Variants in PXK observed in about 807,000 individuals in gnomAD.
PXK encodes the protein PX domain-containing protein kinase-like protein.
In PXK, 35 loss-of-function variants were observed where a neutral mutation model predicts 84.7. That is an observed-to-expected ratio of 0.41 (90% CI 0.32 to 0.55). The LOEUF (loss-of-function observed/expected upper bound fraction) is 0.55. Among genes scored for constraint, PXK ranks in the 20% least tolerant of loss-of-function variants. PXK has a pLI of 0.21. For synonymous variants in PXK, 253 were observed against 260.8 expected (o/e 0.97, Z 0.29); for missense variants, 634 against 699.7 (o/e 0.91, Z 1.06).
At chr3:58,337,862 T>A (rs1013774625) in intron 1 of PXK, among the ~76,000 whole-genome samples, 1 of 152,218 alleles carries the variant, frequency 6.6e-6, no homozygotes, top group Admixed American at 6.5e-5. Flanking sequence ...ACCCTTTTTA[T>A]AGACTTTTAA....
chr3:58,424,754 A>G lies in PXK; in HGVS notation c.1531A>G (p.Ile511Val), dbSNP rs1313844979. The G allele has an allele frequency of 6.2e-7, 1 of 1,613,256 alleles. No individual in the cohort carries two copies. Among genetic ancestry groups the G allele is most frequent in the Admixed American group, 1.7e-5 (1 of 59,956 alleles). ...SSPTPPSTSG[I>V]SALPPPPPPP... ...ATTGTCCCCCTTTTCCTCCACAGGG[A>G]TATCTGCATTACCTCCACCTCCTCC... is the stretch of plus-strand genomic sequence containing the variant. Residue 511 changes from isoleucine to valine, a missense_variant and splice_region_variant, in exon 18 of 18, where the codon ATA (isoleucine) becomes GTA (valine). By Grantham distance (29) the Ile-to-Val change is conservative. Coordinates refer to ENST00000356151, the MANE Select transcript of PXK (RefSeq NM_017771.5).
chr3:58,395,759 GGTAAGAGGTACTTTT>G lies in PXK; in HGVS notation c.822+3_822+17del, dbSNP rs772589964. The G allele has an allele frequency of 4.4e-6, 7 of 1,599,942 alleles. No individual in the cohort carries two copies. The South Asian group carries it at 5.6e-5, about 13-fold the overall frequency. On this transcript the variant is annotated splice_donor_variant and splice_donor_5th_base_variant and intron_variant, in intron 9 of 17. Coordinates refer to ENST00000356151, the MANE Select transcript of PXK (RefSeq NM_017771.5). LOFTEE classifies it high-confidence loss of function. Reference sequence around the variant, plus strand: ...AAACATATGGACGGCAAATATTAGAGGTAAGAGGTACTTTTGTTTAAGTTGCATTCAGATTTCATC... The same window carrying G: ...AAACATATGGACGGCAAATATTAGAGGTTTAAGTTGCATTCAGATTTCATC...
intron 1 of PXK, among the ~76,000 whole-genome samples, chr3:58,347,541 ATTC>A (rs1342692675): frequency 6.6e-6 from 1 of 152,184 alleles, no homozygotes; most frequent in African/African-American, 2.4e-5. Context: ...AAGCTTTGAA[ATTC>A]TTCTATGATG....
intron 1 of PXK, among the ~76,000 whole-genome samples, chr3:58,357,723 C>T (rs1185223054): frequency 5.3e-5 from 8 of 152,142 alleles, no homozygotes; most frequent in South Asian, 2.1e-4. Context: ...CCAAGGTGGG[C>T]GGATCACTTT....
intron 3 of PXK, among the ~76,000 whole-genome samples, chr3:58,373,154 T>G (rs1486424014): frequency 2.0e-5 from 3 of 150,464 alleles, no homozygotes; most frequent in Admixed American, 1.3e-4. Flanking sequence ...CTCTGCTCAC[T>G]GCAAGCTCCA....
intron 17 of PXK, among the ~76,000 whole-genome samples, chr3:58,424,400 C>A (rs2062493308): frequency 6.6e-6 from 1 of 152,218 alleles, no homozygotes; most frequent in African/African-American, 2.4e-5. Context: ...TGGGACCTGG[C>A]TAAAGTAACT....
chr3:58,375,490 C>T (rs933268165), intron 3 of PXK, among the ~76,000 whole-genome samples: 5 of 152,086 alleles, frequency 3.3e-5, no homozygotes, highest in Admixed American at 1.3e-4. Flanking sequence ...AACCATATCC[C>T]GGGCTAAGAC....
Position 58,422,000 on chromosome 3 carries a change from A to G in PXK, c.1529-2752A>G. The G allele has an allele frequency of 2.0e-6, 2 of 985,362 alleles. No individual in the cohort carries two copies. The highest frequency in any genetic ancestry group is 1.7e-5 in the African/African-American group (1 of 57,328). The allele number at this position is 985,362 out of a possible 1,614,324, so 61.0% of individuals were successfully genotyped here. On this transcript the variant is annotated intron_variant, in intron 17 of 17. Coordinates refer to ENST00000356151, the MANE Select transcript of PXK (RefSeq NM_017771.5). The surrounding 1 kb of genome is among the most constrained non-coding windows in gnomAD (Gnocchi z 5.5). ...GGCCTCATTCACATCTGAGGGGTGGAGAGCGCGCAGGCAGCAGGCAGTTGT... is the reference window on the plus strand; with the variant it reads ...GGCCTCATTCACATCTGAGGGGTGGGGAGCGCGCAGGCAGCAGGCAGTTGT...
At chr3:58,395,473 G>C (rs1439715094) in intron 8 of PXK, among the ~76,000 whole-genome samples, 185 bp from the exon 9 acceptor site, 1 of 152,178 alleles carries the variant, frequency 6.6e-6, no homozygotes, top group Non-Finnish European at 1.5e-5. Flanking sequence ...GCTAGAGAAG[G>C]GATGGAACCT....
intron 1 of PXK, 141 bp from the exon 2 acceptor site, chr3:58,365,733 G>A: frequency 1.7e-6 from 1 of 584,152 alleles, no homozygotes; most frequent in Non-Finnish European, 2.9e-6. Flanking sequence ...TTTATGTAAT[G>A]TCCCTTTCTC....
In PXK at chr3:58,395,669, A is replaced by C. The variant is rs1050767047; in HGVS notation, c.732A>C (p.Lys244Asn). Residue 244 changes from lysine to asparagine, a missense_variant, in exon 9 of 18, where the codon AAA becomes AAC. Transcript: ENST00000356151. Reference sequence around the variant, plus strand: ...GTTCTTTTCCAAAGGCAAAACCAAAAGACCCATTTCTAAAGAAGTACTGCA... The same window carrying C: ...GTTCTTTTCCAAAGGCAAAACCAAACGACCCATTTCTAAAGAAGTACTGCA... ...LKDLIYKAKPKDPFLKKYCNP... is the reference protein window; with the variant it reads ...LKDLIYKAKPNDPFLKKYCNP... 2 of 1,612,492 alleles carry C rather than the reference A, an allele frequency of 1.2e-6. No homozygotes were observed. The highest frequency in any genetic ancestry group is 2.7e-5 in the African/African-American group (2 of 74,840).
In PXK at chr3:58,425,372, T is replaced by TC. The variant is rs1180853653; in HGVS notation, c.*413dup. The TC allele has an allele frequency of 6.0e-6, 1 of 166,962 alleles. No homozygotes were observed. The highest frequency in any genetic ancestry group is 1.3e-5 in the Non-Finnish European group (1 of 76,832). 10.3% of individuals were successfully genotyped at this position (166,962 alleles called of 1,614,324 possible). A position where few individuals can be genotyped will look rare whatever the true frequency, so the allele number is the denominator to read the frequency against. On this transcript the variant is annotated 3_prime_UTR_variant, in exon 18 of 18. Transcript: ENST00000356151. Reference sequence around the variant, plus strand: ...CTCCTAGAAACATTCCTCTTACAGTTCATTTCTCTAAAGCATTTTCTGATT... The same window carrying TC: ...CTCCTAGAAACATTCCTCTTACAGTTCCATTTCTCTAAAGCATTTTCTGATT...
intron 17 of PXK, among the ~76,000 whole-genome samples, chr3:58,417,262 C>T (rs767665610): frequency 2.0e-5 from 3 of 152,196 alleles, no homozygotes; most frequent in African/African-American, 4.8e-5. Flanking sequence ...GAACTCTGGC[C>T]TTTGGCAGTT....
At chr3:58,377,569 A>G (rs893435961) in intron 3 of PXK, among the ~76,000 whole-genome samples, 31 of 151,940 alleles carry the variant, frequency 2.0e-4, no homozygotes, top group African/African-American at 7.5e-4. Flanking sequence ...ACTTGCAACC[A>G]GGAGTTCAAG....
rs939455387 is a variant in PXK, at chr3:58,379,796, C to T, written c.202-2718C>T. Among the ~76,000 whole-genome samples, 11 of 151,816 alleles carry T rather than the reference C, an allele frequency of 7.2e-5. No homozygotes were observed. Among genetic ancestry groups the T allele is most frequent in the African/African-American group, 1.2e-4 (5 of 41,354 alleles). On this transcript the variant is annotated intron_variant, in intron 3 of 17. Transcript: ENST00000356151. This position sits in a 1 kb window ranked among gnomAD's most constrained non-coding sequence, Gnocchi z 5.1. Reference sequence around the variant, plus strand: ...AAATACTCTTTAAAAAAAAGAAAAGCGAAATACAAAAATTAGTCGGGCATG... The same window carrying T: ...AAATACTCTTTAAAAAAAAGAAAAGTGAAATACAAAAATTAGTCGGGCATG...
chr3:58,421,613 A>C lies in PXK; in HGVS notation c.1529-3139A>C, dbSNP rs954465441. ...AGGAACTGGAGGGAGGGACCCTCAG[A>C]CATCCTGTCCACAAGGCTGTCAAGG... On this transcript the variant is annotated intron_variant, in intron 17 of 17. Transcript: ENST00000356151. This position sits in a 1 kb window ranked among gnomAD's most constrained non-coding sequence, Gnocchi z 5.5. 5 of 988,172 alleles carry C rather than the reference A, an allele frequency of 5.1e-6. No homozygotes were observed. In the African/African-American group the frequency reaches 8.7e-5, roughly 17 times the overall value. The allele number at this position is 988,172 out of a possible 1,614,324, so 61.2% of individuals were successfully genotyped here.
intron 1 of PXK, among the ~76,000 whole-genome samples, chr3:58,339,228 GTTTTTTTTTGT>G (rs2097683244): frequency 8.9e-6 from 1 of 112,310 alleles, no homozygotes. Flanking sequence ...GTTTTTTTTT[GTTTTTTTTTGT>G]TTTTTTTTTT....
chr3:58,375,785 A>G (rs2098437176), intron 3 of PXK, among the ~76,000 whole-genome samples: 1 of 152,220 alleles, frequency 6.6e-6, no homozygotes, highest in South Asian at 2.1e-4. Context: ...TAAACTGGAA[A>G]CATGGCATAA....
intron 8 of PXK, 63 bp downstream of exon 8, chr3:58,395,165 C>A: frequency 8.1e-7 from 1 of 1,231,922 alleles, no homozygotes; most frequent in Non-Finnish European, 1.2e-6. Flanking sequence ...GTTATTGATA[C>A]TTAGTCTCTA....
Sources: allele counts gnomAD v4.1 joint callset (sites outside exome capture counted in the v4.1 genomes callset), GRCh38; gene constraint gnomAD v4.1.1; non-coding constraint Gnocchi (gnomAD v3.1); transcripts MANE v1.5; gene names NCBI Gene and HGNC (gene_info 2026-07-23, HGNC 2026-07-21).